Variants in TTC34 observed in about 807,000 individuals in gnomAD.
TTC34 encodes the protein tetratricopeptide repeat domain 34, also known as tetratricopeptide repeat protein 34.
Under a neutral mutation model 40.7 loss-of-function variants are expected in TTC34, and 44 were observed. The ratio of observed to expected loss-of-function variants is 1.08; its 90% CI spans 0.85 to 1.39. The LOEUF (loss-of-function observed/expected upper bound fraction) is 1.39, where lower values mean the gene tolerates loss of function less well. TTC34 is among the 40% of genes most tolerant of loss of function. The pLI, the probability that TTC34 is intolerant of heterozygous loss-of-function variation, is 0.00. For missense variants in TTC34, 884 were observed against 838.0 expected, an observed-to-expected ratio of 1.05 and a Z score of -0.68; for synonymous variants, 422 against 398.6, an observed-to-expected ratio of 1.06 and a Z score of -0.70.
intron 3 of TTC34, among the ~76,000 whole-genome samples, chr1:2,789,301 A>G (rs1167055225): frequency 6.6e-6 from 1 of 152,218 alleles, no homozygotes; most frequent in Non-Finnish European, 1.5e-5. Flanking sequence ...CCTGGAAGGA[A>G]ATGTGAGCCG....
chr1:2,748,807 G>A (rs1641227390), intron 6 of TTC34, among the ~76,000 whole-genome samples: 1 of 144,842 alleles, frequency 6.9e-6, no homozygotes, highest in African/African-American at 2.7e-5. Flanking sequence ...ACACCCACAG[G>A]CGAGCATCTG....
chr1:2,691,669 G>C lies in TTC34; in HGVS notation c.2227-46106C>G, dbSNP rs542467474. On this transcript the variant is annotated intron_variant, in intron 6 of 8. Transcript: ENST00000401095. Reference sequence around the variant, plus strand: ...GCCTGGAACAGCACCGACACCCCCAGGTGAGCATCTGACGGCCTGCAACAG... The same window carrying C: ...GCCTGGAACAGCACCGACACCCCCACGTGAGCATCTGACGGCCTGCAACAG... Among the ~76,000 whole-genome samples the C allele has an allele frequency of 1.4e-3, 136 of 98,774 alleles. 2 individuals carry two copies. The highest frequency in any genetic ancestry group is 2.5e-3 in the Non-Finnish European group (102 of 41,182). 64.8% of individuals were successfully genotyped at this position (98,774 alleles called of 152,430 possible).
At chr1:2,643,072 G>A (rs887590329) in intron 8 of TTC34, among the ~76,000 whole-genome samples, 1 of 152,174 alleles carries the variant, frequency 6.6e-6, no homozygotes, top group African/African-American at 2.4e-5. Flanking sequence ...TTTGGGCCGG[G>A]TCCATGGCAG....
At chr1:2,642,894 T>C (rs1443464630) in intron 8 of TTC34, among the ~76,000 whole-genome samples, 1 of 152,194 alleles carries the variant, frequency 6.6e-6, no homozygotes, top group Non-Finnish European at 1.5e-5. Flanking sequence ...GTGTGGCCTC[T>C]TCTGCCAGCT....
At chr1:2,683,479 G>A (rs1258006011) in intron 6 of TTC34, among the ~76,000 whole-genome samples, 1 of 149,530 alleles carries the variant, frequency 6.7e-6, no homozygotes, top group South Asian at 2.1e-4. Context: ...ACACCACCAG[G>A]CGAGCATCTG....
rs979667715 is a variant in TTC34 at position 2,645,858 on chromosome 1, C to T, written c.2227-295G>A. 6.6e-6 allele frequency among the ~76,000 whole-genome samples: 1 copy of T among 152,190 alleles called. No homozygotes were observed. The highest frequency in any genetic ancestry group is 1.5e-5 in the Non-Finnish European group (1 of 68,028). Reference sequence around the variant, plus strand: ...GGCCAAACGCTGCTAATTTCCATCTCCTGAGGCTGCCTGCGGTCTGTGAGC... The same window carrying T: ...GGCCAAACGCTGCTAATTTCCATCTTCTGAGGCTGCCTGCGGTCTGTGAGC... On this transcript the variant is annotated intron_variant, in intron 6 of 8. Transcript: ENST00000401095. The surrounding 1 kb of genome is among the most constrained non-coding windows in gnomAD (Gnocchi z 4.7).
chr1:2,784,566 G>C (rs867395971), intron 5 of TTC34, among the ~76,000 whole-genome samples: 15 of 152,096 alleles, frequency 9.9e-5, no homozygotes, highest in South Asian at 2.1e-4. Flanking sequence ...CCAGACACTG[G>C]TGTTACCACT....
intron 6 of TTC34, among the ~76,000 whole-genome samples, chr1:2,675,139 C>A (rs1283752362): frequency 7.4e-4 from 3 of 4,072 alleles, no homozygotes; most frequent in Non-Finnish European, 2.0e-3. Flanking sequence ...GAGAATCTGA[C>A]AGCCCGTAGC....
chr1:2,646,264 C>T (rs1639020048), intron 6 of TTC34, among the ~76,000 whole-genome samples: 1 of 152,176 alleles, frequency 6.6e-6, no homozygotes. Context: ...TAATATGGGG[C>T]CACTTTACCT....
exon 3 of TTC34, chr1:2,789,686 A>T: frequency 8.0e-7 from 1 of 1,243,404 alleles, no homozygotes. Context: ...CTCGGGCCGC[A>T]GCCTGCAGGC....
At chr1:2,785,837 G>A (rs1643579111) in exon 5 of TTC34, 1 of 1,544,564 alleles carries the variant, frequency 6.5e-7, no homozygotes, top group Non-Finnish European at 8.7e-7. Flanking sequence ...AAGATGGCCA[G>A]AGACAGGTAG....
At position 2,751,569 on chromosome 1, in the gene TTC34, C is replaced by A. The variant is rs1472201276; in HGVS notation, c.2226+32040G>T. Among the ~76,000 whole-genome samples the A allele has an allele frequency of 1.7e-5, 2 of 120,526 alleles. 1 individual carries two copies. The highest frequency in any genetic ancestry group is 5.7e-4 in the East Asian group (2 of 3,506). 79.1% of individuals were successfully genotyped at this position (120,526 alleles called of 152,430 possible). On this transcript the variant is annotated intron_variant, in intron 6 of 8. Transcript: ENST00000401095. ...GACAGCCTGCAACAGCACGCACACC[C>A]CCAGGTGCGCACGTGACAGCCTGCA...
intron 6 of TTC34, among the ~76,000 whole-genome samples, chr1:2,681,652 G>A (rs1326851979): frequency 6.7e-5 from 4 of 60,094 alleles, no homozygotes; most frequent in East Asian, 3.7e-4. Flanking sequence ...ACAGCCTGGA[G>A]CAGCATCCAC....
At position 2,645,540 on chromosome 1, in the gene TTC34, A is replaced by C; in HGVS notation, c.2250T>G (p.Ser750=). The change falls in exon 7 of 9, where the codon TCT becomes TCG. Residue 750 remains serine, a synonymous_variant. Transcript: ENST00000401095. The surrounding 1 kb of genome is among the most constrained non-coding windows in gnomAD (Gnocchi z 4.7). Reference sequence around the variant, plus strand: ...CAGTCCCGGGGCCGAGCTTCAGAGCAGAGACGATGTCGTCCACGGCTTCCT... The same window carrying C: ...CAGTCCCGGGGCCGAGCTTCAGAGCCGAGACGATGTCGTCCACGGCTTCCT... 8.1e-6 allele frequency: 9 copies of C among 1,115,068 alleles called. No homozygotes were observed. The highest frequency in any genetic ancestry group is 1.0e-5 in the Non-Finnish European group (9 of 889,436). 69.1% of individuals were successfully genotyped at this position (1,115,068 alleles called of 1,614,324 possible).
intron 6 of TTC34, among the ~76,000 whole-genome samples, chr1:2,685,029 C>G (rs1399700130): frequency 3.5e-5 from 5 of 144,470 alleles, no homozygotes; most frequent in Non-Finnish European, 3.0e-5. Flanking sequence ...CATGTAACAG[C>G]ACCCACACCC....
At chr1:2,685,918 ACCCC>A (rs1640317549) in intron 6 of TTC34, among the ~76,000 whole-genome samples, 2 of 144,246 alleles carry the variant, frequency 1.4e-5, no homozygotes, top group African/African-American at 2.7e-5. Context: ...CAGCACGCAC[ACCCC>A]CAGGTGAGCA....
At chr1:2,777,369 C>T (rs1569919663) in intron 6 of TTC34, among the ~76,000 whole-genome samples, 2 of 151,426 alleles carry the variant, frequency 1.3e-5, no homozygotes, top group Middle Eastern at 6.8e-3. Flanking sequence ...GGAGCAACAC[C>T]CCACACCTCC....
intron 8 of TTC34, 36 bp from the exon 9 acceptor site, chr1:2,641,931 G>C: frequency 4.2e-6 from 6 of 1,437,916 alleles, no homozygotes; most frequent in Non-Finnish European, 4.5e-6. Context: ...AGGGAGAGTG[G>C]GGTCAGCCCC....
chr1:2,688,550 C>G (rs1391854165), intron 6 of TTC34, among the ~76,000 whole-genome samples: 1 of 130,306 alleles, frequency 7.7e-6, no homozygotes, highest in Non-Finnish European at 1.6e-5. Flanking sequence ...AGCACCTGAA[C>G]CCACGGAGCA....
Sources: allele counts gnomAD v4.1 joint callset (sites outside exome capture counted in the v4.1 genomes callset), GRCh38; gene constraint gnomAD v4.1.1; non-coding constraint Gnocchi (gnomAD v3.1); transcripts MANE v1.5; gene names NCBI Gene and HGNC (gene_info 2026-07-23, HGNC 2026-07-21).